PRDM16: variants seen among roughly 807,000 people sequenced by gnomAD.
PRDM16 encodes the protein histone-lysine N-methyltransferase PRDM16.
In PRDM16, 23 loss-of-function variants were observed where a neutral mutation model predicts 110.6. The observed-to-expected ratio is 0.21, with a 90% CI of 0.15 to 0.29. PRDM16 has a LOEUF of 0.29. PRDM16 is among the 10% of genes least tolerant of loss of function. The pLI is 1.00. For synonymous variants in PRDM16, 799 were observed against 781.8 expected (o/e 1.02, Z -0.37); for missense variants, 1,615 against 1,794.3 (o/e 0.90, Z 1.81).
intron 3 of PRDM16, among the ~76,000 whole-genome samples, chr1:3,256,871 A>C (rs1483671378): frequency 6.6e-6 from 1 of 152,186 alleles, no homozygotes; most frequent in Non-Finnish European, 1.5e-5. Flanking sequence ...TAAATAAATA[A>C]ATAAATAAAG....
intron 3 of PRDM16, among the ~76,000 whole-genome samples, chr1:3,378,791 C>T (rs1018072357): frequency 3.3e-5 from 5 of 152,058 alleles, no homozygotes; most frequent in African/African-American, 1.2e-4. Context: ...TGAGCCTCCA[C>T]CTGCCTGGCC....
At chr1:3,121,182 G>A (rs191135804) in intron 1 of PRDM16, among the ~76,000 whole-genome samples, 6 of 152,308 alleles carry the variant, frequency 3.9e-5, no homozygotes, top group African/African-American at 1.2e-4. Flanking sequence ...GATCAGGCCT[G>A]GCCCCCGAGC....
At chr1:3,212,954 G>A (rs1001830347) in intron 2 of PRDM16, among the ~76,000 whole-genome samples, 9 of 152,304 alleles carry the variant, frequency 5.9e-5, no homozygotes, top group African/African-American at 1.4e-4. Flanking sequence ...CCAGGTACTC[G>A]TTTAAGAGCT....
At chr1:3,109,283 C>T (rs920112673) in intron 1 of PRDM16, among the ~76,000 whole-genome samples, 5 of 152,082 alleles carry the variant, frequency 3.3e-5, no homozygotes, top group East Asian at 1.9e-4. Context: ...CCAGCTCCTT[C>T]GACTGGACCA....
At chr1:3,156,221 A>G (rs1162616027) in intron 1 of PRDM16, among the ~76,000 whole-genome samples, 1 of 152,206 alleles carries the variant, frequency 6.6e-6, no homozygotes, top group African/African-American at 2.4e-5. Context: ...TCTGAGCAAC[A>G]GATGGGGCTG....
intron 1 of PRDM16, among the ~76,000 whole-genome samples, chr1:3,084,474 G>A (rs1177182458): frequency 1.3e-5 from 2 of 152,198 alleles, no homozygotes; most frequent in East Asian, 3.9e-4. Context: ...CCCCTGGGAG[G>A]CACGGAATGC....
intron 1 of PRDM16, among the ~76,000 whole-genome samples, chr1:3,103,010 C>T (rs946857236): frequency 5.3e-5 from 8 of 152,200 alleles, no homozygotes; most frequent in Admixed American, 2.0e-4. Context: ...TGCACAGAGG[C>T]GTTCACAGGA....
At chr1:3,092,097 C>T (rs1271202607) in intron 1 of PRDM16, among the ~76,000 whole-genome samples, 1 of 146,966 alleles carries the variant, frequency 6.8e-6, no homozygotes, top group East Asian at 2.0e-4. Context: ...GCTCCCTGGG[C>T]CCCCATGTCA....
Position 3,377,349 on chromosome 1 carries a change from C to T in PRDM16, c.439-7803C>T, listed in dbSNP as rs565052079. 1.6e-4 allele frequency among the ~76,000 whole-genome samples: 24 copies of T among 152,338 alleles called. No individual in the cohort carries two copies. In the East Asian group the frequency reaches 1.7e-3, roughly 11 times the overall value. On this transcript the variant is annotated intron_variant, in intron 3 of 16. Coordinates refer to ENST00000270722, the MANE Select transcript of PRDM16 (RefSeq NM_022114.4). ...GGCAAGCTGATGATGGATGCTGCGG[C>T]GTTCCCACCTGCACGCACACCCTGG... is the stretch of plus-strand genomic sequence containing the variant.
At chr1:3,093,903 C>T (rs1465648062) in intron 1 of PRDM16, among the ~76,000 whole-genome samples, 5 of 152,176 alleles carry the variant, frequency 3.3e-5, no homozygotes, top group African/African-American at 7.2e-5. Context: ...GGAGAGCAGG[C>T]GAGACAAGGA....
Position 3,224,436 on chromosome 1 carries a change from A to G in PRDM16, c.388-19651A>G, listed in dbSNP as rs181681535. Among the ~76,000 whole-genome samples, 144 of 151,474 alleles carry G rather than the reference A, an allele frequency of 9.5e-4. 1 individual carries two copies. The highest frequency in any genetic ancestry group is 3.1e-3 in the African/African-American group (126 of 41,248). On this transcript the variant is annotated intron_variant, in intron 2 of 16. Coordinates refer to ENST00000270722, the MANE Select transcript of PRDM16 (RefSeq NM_022114.4). ...CCTCTCGCTGGGGTACCAGCTTCCA[A>G]TTGCCACTCTCTCTCCCTCTCCCCT... is the stretch of plus-strand genomic sequence containing the variant.
chr1:3,236,183 G>A (rs886555794), intron 2 of PRDM16, among the ~76,000 whole-genome samples: 3 of 152,144 alleles, frequency 2.0e-5, no homozygotes, highest in African/African-American at 7.2e-5. Flanking sequence ...AGAGGCAGAG[G>A]GCAGAGCAAG....
intron 3 of PRDM16, among the ~76,000 whole-genome samples, chr1:3,279,495 C>T (rs1442912882): frequency 6.6e-6 from 1 of 152,274 alleles, no homozygotes; most frequent in Admixed American, 6.5e-5. Flanking sequence ...CACGCCTGCC[C>T]CTGCCACCAG....
chr1:3,281,873 G>T (rs1173210261), intron 3 of PRDM16, among the ~76,000 whole-genome samples: 1 of 152,250 alleles, frequency 6.6e-6, no homozygotes, highest in African/African-American at 2.4e-5. Context: ...GTACCAGGGG[G>T]TGCAGGGTGC....
intron 1 of PRDM16, among the ~76,000 whole-genome samples, chr1:3,104,001 A>G (rs938998274): frequency 2.6e-5 from 4 of 152,362 alleles, no homozygotes; most frequent in East Asian, 1.9e-4. Flanking sequence ...GCAGCTTTCC[A>G]TAACAAAGGG....
At chr1:3,203,916 ACAGAAGGCGG>A (rs1409466331) in intron 2 of PRDM16, among the ~76,000 whole-genome samples, 6 of 152,114 alleles carry the variant, frequency 3.9e-5, no homozygotes, top group Non-Finnish European at 5.9e-5. Context: ...ATAGCAGGTG[ACAGAAGGCGG>A]TGCCCCAGTG....
chr1:3,177,855 G>A (rs1644107090), intron 1 of PRDM16, among the ~76,000 whole-genome samples: 1 of 152,160 alleles, frequency 6.6e-6, no homozygotes, highest in Admixed American at 6.5e-5. Context: ...TTTTGGATGG[G>A]CCAGGTGAGA....
rs1441611123 is a variant in PRDM16 at position 3,326,049 on chromosome 1, C to A, written c.439-59103C>A. 2.0e-3 allele frequency among the ~76,000 whole-genome samples: 83 copies of A among 42,164 alleles called. 6 individuals carry two copies. The highest frequency in any genetic ancestry group is 6.2e-3 in the Admixed American group (29 of 4,684). 27.7% of individuals were successfully genotyped at this position (42,164 alleles called of 152,430 possible). A position where few individuals can be genotyped will look rare whatever the true frequency, so the allele number is the denominator to read the frequency against. ...TGGCCCTCCTTGGCCATCCTCGGCC[C>A]TCTTGGCCCCCCTTGGCCATCCTCG... On this transcript the variant is annotated intron_variant, in intron 3 of 16. Transcript: ENST00000270722.
intron 1 of PRDM16, among the ~76,000 whole-genome samples, chr1:3,176,259 C>A (rs796907009): frequency 1.6e-4 from 25 of 152,322 alleles, no homozygotes; most frequent in African/African-American, 6.0e-4. Flanking sequence ...ATTCATCCAC[C>A]ATCTGTCCAT....
Sources: gnomAD v4.1 joint callset for allele counts (sites outside exome capture counted in the v4.1 genomes callset) on GRCh38, gnomAD v4.1.1 for gene constraint, MANE v1.5 for transcripts, NCBI Gene and HGNC (gene_info 2026-07-23, HGNC 2026-07-21) for gene names.